The following CCBE1 variants were observed in gnomAD, a reference collection of about 807,000 sequenced individuals.
The protein encoded by CCBE1 is collagen and calcium binding EGF domains 1.
A neutral mutation model predicts 50.0 loss-of-function variants in CCBE1; 37 were observed. The ratio of observed to expected loss-of-function variants is 0.74; its 90% confidence interval spans 0.57 to 0.97. The LOEUF (loss-of-function observed/expected upper bound fraction) is 0.97. CCBE1 is among the 50% of genes least tolerant of loss of function. CCBE1 has a pLI of 0.00. For synonymous variants in CCBE1, 234 were observed against 203.7 expected (o/e 1.15, Z -1.27); for missense variants, 538 against 523.8 (o/e 1.03, Z -0.26).
intron 2 of CCBE1, among the ~76,000 whole-genome samples, chr18:59,567,979 A>G (rs1186418145): frequency 6.6e-6 from 1 of 152,042 alleles, no homozygotes; most frequent in East Asian, 1.9e-4. Flanking sequence ...TTGCTCATAG[A>G]TTTTTAGAAA....
intron 2 of CCBE1, among the ~76,000 whole-genome samples, chr18:59,627,341 C>T (rs561326932): frequency 1.7e-4 from 26 of 152,234 alleles, no homozygotes; most frequent in Non-Finnish European, 2.8e-4. Flanking sequence ...ATTACTAAAA[C>T]GATTTTAACT....
chr18:59,666,991 A>G (rs2054367168), intron 2 of CCBE1, among the ~76,000 whole-genome samples: 1 of 152,040 alleles, frequency 6.6e-6, no homozygotes, highest in African/African-American at 2.4e-5. Flanking sequence ...AAGTTACAAG[A>G]GGCCAGGCTC....
intron 2 of CCBE1, among the ~76,000 whole-genome samples, chr18:59,487,741 G>T (rs143201740): frequency 6.6e-6 from 1 of 152,136 alleles, no homozygotes; most frequent in Non-Finnish European, 1.5e-5. Context: ...TTGCTAACAC[G>T]TACAATTACT....
At position 59,522,993 on chromosome 18, in the gene CCBE1, C is replaced by CAAAAAAAAAAA. The variant is rs57217059; in HGVS notation, c.213-42766_213-42756dup. Among the ~76,000 whole-genome samples the CAAAAAAAAAAA allele has an allele frequency of 7.4e-4, 66 of 89,214 alleles. 5 individuals carry two copies. Among genetic ancestry groups the CAAAAAAAAAAA allele is most frequent in the African/African-American group, 2.2e-3 (52 of 24,140 alleles). The allele number at this position is 89,214 out of a possible 152,430, so 58.5% of individuals were successfully genotyped here. A position where few individuals can be genotyped will look rare whatever the true frequency, so the allele number is the denominator to read the frequency against. Reference sequence around the variant, plus strand: ...GGCAACAGAGTGAGAGACTCTGTTTCAAAAAAAAAAAAAAAAAAAATTCTC... The same window carrying CAAAAAAAAAAA: ...GGCAACAGAGTGAGAGACTCTGTTTCAAAAAAAAAAAAAAAAAAAAAAAAAAAAAAATTCTC... On this transcript the variant is annotated intron_variant, in intron 2 of 10. Transcript: ENST00000439986.
At chr18:59,512,863 T>C (rs1039586675) in intron 2 of CCBE1, among the ~76,000 whole-genome samples, 2 of 152,152 alleles carry the variant, frequency 1.3e-5, no homozygotes, top group Non-Finnish European at 2.9e-5. Flanking sequence ...CCCTTTCCTC[T>C]TACCTCCCAC....
chr18:59,562,830 CAT>C (rs899220350), intron 2 of CCBE1, among the ~76,000 whole-genome samples: 5 of 152,184 alleles, frequency 3.3e-5, no homozygotes, highest in Admixed American at 3.3e-4. Flanking sequence ...GTTGTGGCCA[CAT>C]GTGTCTCTAT....
At chr18:59,650,800 C>T (rs945263191) in intron 2 of CCBE1, among the ~76,000 whole-genome samples, 5 of 151,408 alleles carry the variant, frequency 3.3e-5, no homozygotes, top group African/African-American at 1.2e-4. Context: ...CGATCCTGTA[C>T]CTGGGCAAGG....
chr18:59,438,956 C>T (rs1309787886), intron 9 of CCBE1, among the ~76,000 whole-genome samples: 3 of 152,024 alleles, frequency 2.0e-5, no homozygotes, highest in Admixed American at 2.0e-4. Context: ...TTAAGGCCAG[C>T]CTGGGTAACA....
At chr18:59,543,632 G>C (rs887162262) in intron 2 of CCBE1, among the ~76,000 whole-genome samples, 2 of 152,070 alleles carry the variant, frequency 1.3e-5, no homozygotes, top group East Asian at 1.9e-4. Flanking sequence ...TCAGGAGATC[G>C]AGAACATCCT....
chr18:59,649,833 G>T (rs1195576508), intron 2 of CCBE1, among the ~76,000 whole-genome samples: 1 of 152,344 alleles, frequency 6.6e-6, no homozygotes, highest in East Asian at 1.9e-4. Flanking sequence ...GGCCATCCCA[G>T]TTTAGGTGCT....
chr18:59,560,020 G>A lies in CCBE1; in HGVS notation c.213-79782C>T, dbSNP rs144915153. ...GGCTATATGCATAGCCCTACCATAT[G>A]TCATGGTCTTACTGATATTATGCTA... On this transcript the variant is annotated intron_variant, in intron 2 of 10. Coordinates refer to ENST00000439986, the MANE Select transcript of CCBE1 (RefSeq NM_133459.4). Among the ~76,000 whole-genome samples, 527 of 152,278 alleles carry A rather than the reference G, an allele frequency of 3.5e-3. 3 individuals carry two copies. Among genetic ancestry groups the A allele is most frequent in the African/African-American group, 0.012 (508 of 41,546 alleles).
intron 2 of CCBE1, among the ~76,000 whole-genome samples, chr18:59,639,675 C>T (rs967060401): frequency 1.3e-5 from 2 of 152,124 alleles, no homozygotes; most frequent in African/African-American, 2.4e-5. Flanking sequence ...TAAAAGGTAT[C>T]AAAATATTAA....
At chr18:59,498,918 C>A (rs560890176) in intron 2 of CCBE1, among the ~76,000 whole-genome samples, 2 of 152,298 alleles carry the variant, frequency 1.3e-5, no homozygotes, top group South Asian at 4.1e-4. Flanking sequence ...TCCTGATAAA[C>A]CCTAAGGCCA....
intron 2 of CCBE1, among the ~76,000 whole-genome samples, chr18:59,528,052 G>A (rs1294639705): frequency 6.6e-6 from 1 of 152,132 alleles, no homozygotes; most frequent in Non-Finnish European, 1.5e-5. Context: ...AATTCTCCTG[G>A]ATGATATCCT....
intron 2 of CCBE1, among the ~76,000 whole-genome samples, chr18:59,623,590 A>C (rs1231074291): frequency 2.6e-5 from 4 of 152,204 alleles, no homozygotes; most frequent in Non-Finnish European, 5.9e-5. Flanking sequence ...CCCAGGTAAT[A>C]ATCAATGGCC....
chr18:59,663,521 T>C (rs2054313977), intron 2 of CCBE1, among the ~76,000 whole-genome samples: 1 of 152,068 alleles, frequency 6.6e-6, no homozygotes, highest in African/African-American at 2.4e-5. Context: ...GGCTGGGCCT[T>C]GAGAGCAAGG....
At chr18:59,483,083 C>T (rs1243538165) in intron 2 of CCBE1, among the ~76,000 whole-genome samples, 1 of 152,078 alleles carries the variant, frequency 6.6e-6, no homozygotes, top group Non-Finnish European at 1.5e-5. Context: ...ATTTACACAT[C>T]ATGGTGGAGA....
chr18:59,442,206 T>A lies in CCBE1; in HGVS notation c.776-2390A>T, dbSNP rs558038969. ...CACAAAAACAGATGACTTGTTAAAC[T>A]CGGTATAGTCTCAGTGCTGTGTCGA... On this transcript the variant is annotated intron_variant, in intron 7 of 10. Transcript: ENST00000439986. Among the ~76,000 whole-genome samples, 13 of 152,210 alleles carry A rather than the reference T, an allele frequency of 8.5e-5. No individual in the cohort carries two copies. In the South Asian group the frequency reaches 2.7e-3, roughly 32 times the overall value.
Position 59,463,174 on chromosome 18 carries a change from C to T in CCBE1, c.553+3565G>A, listed in dbSNP as rs188564196. Among the ~76,000 whole-genome samples, 7 of 152,070 alleles carry T rather than the reference C, an allele frequency of 4.6e-5. No homozygotes were observed. In the East Asian group the frequency reaches 1.4e-3, roughly 29 times the overall value. On this transcript the variant is annotated intron_variant, in intron 5 of 10. Transcript: ENST00000439986. ...TTTCTGGGAACTTCCTTTTCCTTCC[C>T]CCTTTCCCACCCTAGCCTGCCCCCA...
Sources: gnomAD v4.1 joint callset for allele counts (sites outside exome capture counted in the v4.1 genomes callset) on GRCh38, gnomAD v4.1.1 for gene constraint, MANE v1.5 for transcripts, NCBI Gene and HGNC (gene_info 2026-07-23, HGNC 2026-07-21) for gene names.